The following GSDME variants were observed in gnomAD, a reference collection of about 807,000 sequenced individuals.
GSDME encodes gasdermin-E.
In GSDME, 44 loss-of-function variants were observed where a neutral mutation model predicts 47.5. That is an observed-to-expected ratio of 0.93 (90% confidence interval 0.73 to 1.19). The LOEUF (loss-of-function observed/expected upper bound fraction) is 1.19, where lower values mean the gene tolerates loss of function less well. GSDME is among the 50% of genes most tolerant of loss of function. The pLI is 0.00. For missense variants in GSDME, 663 were observed against 604.2 expected, an observed-to-expected ratio of 1.10 and a Z score of -1.02; for synonymous variants, 258 against 252.8, an observed-to-expected ratio of 1.02 and a Z score of -0.20.
rs566110324 is a variant in GSDME at position 24,714,567 on chromosome 7, G to A, written c.697+2687C>T. ...GGCCAGGATCCAGAACGAGCCAAGGGAAGGCCGAGATATCCCCAGGGTACC... is the reference window on the plus strand; with the variant it reads ...GGCCAGGATCCAGAACGAGCCAAGGAAAGGCCGAGATATCCCCAGGGTACC... On this transcript the variant is annotated intron_variant, in intron 5 of 9. Coordinates refer to ENST00000645220, the MANE Select transcript of GSDME (RefSeq NM_001127453.2). This position sits in a 1 kb window ranked among gnomAD's most constrained non-coding sequence, Gnocchi z 5.0. 1.2e-4 allele frequency among the ~76,000 whole-genome samples: 18 copies of A among 152,286 alleles called. No individual in the cohort carries two copies. The highest frequency in any genetic ancestry group is 2.1e-4 in the Non-Finnish European group (14 of 68,010).
At chr7:24,723,796 A>G (rs1236442979) in intron 3 of GSDME, among the ~76,000 whole-genome samples, 4 of 152,132 alleles carry the variant, frequency 2.6e-5, no homozygotes, top group African/African-American at 9.7e-5. Context: ...TTGTATTGCT[A>G]TGTTCATTTC....
intron 5 of GSDME, 125 bp from the exon 6 acceptor site, chr7:24,710,513 A>C: frequency 1.1e-6 from 1 of 887,066 alleles, no homozygotes; most frequent in Non-Finnish European, 1.8e-6. Context: ...CAGAAGACCC[A>C]TCCATCTTCC....
chr7:24,795,190 C>T, the GSDME span, among the ~76,000 whole-genome samples: 2 of 152,144 alleles, frequency 1.3e-5, no homozygotes, highest in African/African-American at 4.8e-5. Flanking sequence ...TCTGGCGAGG[C>T]GTTCCACCAG....
chr7:24,761,969 A>G (rs749066899), upstream of GSDME, among the ~76,000 whole-genome samples: 1 of 152,220 alleles, frequency 6.6e-6, no homozygotes, highest in Non-Finnish European at 1.5e-5. This position sits in a 1 kb window ranked among gnomAD's most constrained non-coding sequence, Gnocchi z 4.4. Flanking sequence ...AAGTGGCATT[A>G]CAGGATAGGC....
intron 6 of GSDME, among the ~76,000 whole-genome samples, chr7:24,709,029 G>A (rs535209351): frequency 6.0e-4 from 91 of 152,308 alleles, no homozygotes; most frequent in Middle Eastern, 3.4e-3. Flanking sequence ...ATACATCAAT[G>A]TACCACCCAT....
chr7:24,708,077 T>A, intron 7 of GSDME, 50 bp downstream of exon 7: 1 of 1,610,944 alleles, frequency 6.2e-7, no homozygotes, highest in Non-Finnish European at 8.5e-7. Context: ...TCCTCCCCTG[T>A]TCCAGAAAAC....
the GSDME span, among the ~76,000 whole-genome samples, chr7:24,767,829 G>T: frequency 9.9e-5 from 15 of 152,140 alleles, no homozygotes; most frequent in Non-Finnish European, 1.5e-4. This position sits in a 1 kb window ranked among gnomAD's most constrained non-coding sequence, Gnocchi z 5.3. Flanking sequence ...TCCATTATTA[G>T]AAAGTGCAGA....
At position 24,749,756 on chromosome 7, in the gene GSDME, T is replaced by C; in HGVS notation, c.19A>G (p.Arg7Gly). MFAKATRNFLREVDADG... is the reference protein window; with the variant it reads MFAKATGNFLREVDADG... ...GCATCAACTTCTCTAAGAAAATTCC[T>C]GGTTGCTTTGGCAAACATTTTGAAA... Residue 7 changes from arginine (R) to glycine (G), a missense_variant, in exon 2 of 10, where the codon AGG becomes GGG. Arg to Gly is a moderately radical substitution (Grantham distance 125). Coordinates refer to ENST00000645220, the MANE Select transcript of GSDME (RefSeq NM_001127453.2). 1 of 1,614,080 alleles carries C rather than the reference T, an allele frequency of 6.2e-7. No homozygotes were observed. Among genetic ancestry groups the C allele is most frequent in the Non-Finnish European group, 8.5e-7 (1 of 1,179,960 alleles).
intron 7 of GSDME, chr7:24,707,692 A>G (rs1030577548): frequency 5.3e-6 from 2 of 380,844 alleles, no homozygotes; most frequent in East Asian, 5.4e-5. Flanking sequence ...AGACACACAC[A>G]CACACACAGA....
At chr7:24,706,657 C>T (rs987424034) in intron 7 of GSDME, among the ~76,000 whole-genome samples, 4 of 152,202 alleles carry the variant, frequency 2.6e-5, no homozygotes, top group Admixed American at 1.3e-4. Context: ...TGCCAGGGAC[C>T]AGAAACAAGT....
Position 24,735,029 on chromosome 7 carries a change from A to C in GSDME, c.404+9533T>G, listed in dbSNP as rs370244050. Among the ~76,000 whole-genome samples, 15 of 152,328 alleles carry C rather than the reference A, an allele frequency of 9.8e-5. 1 individual carries two copies. Among genetic ancestry groups the C allele is most frequent in the Admixed American group, 7.2e-4 (11 of 15,302 alleles). ...AGCAAATTCCCAAAAATCAAGGATA[A>C]AGAAAGGATCCTAAAAGCAGCAAGA... On this transcript the variant is annotated intron_variant, in intron 3 of 9. Transcript: ENST00000645220. The surrounding 1 kb of genome is among the most constrained non-coding windows in gnomAD (Gnocchi z 4.4).
chr7:24,794,323 C>T, the GSDME span, among the ~76,000 whole-genome samples: 3 of 139,100 alleles, frequency 2.2e-5, no homozygotes, highest in Admixed American at 7.1e-5. Flanking sequence ...CCTTTTCTCT[C>T]TGCTGGTCTT....
At chr7:24,700,685 A>G (rs1043930274) in intron 9 of GSDME, among the ~76,000 whole-genome samples, 6 of 152,216 alleles carry the variant, frequency 3.9e-5, no homozygotes, top group South Asian at 2.1e-4. Context: ...AACTCACACA[A>G]TGTAACCACA....
At chr7:24,701,914 G>A (rs961497516) in intron 9 of GSDME, among the ~76,000 whole-genome samples, 1 of 152,226 alleles carries the variant, frequency 6.6e-6, no homozygotes, top group Non-Finnish European at 1.5e-5. Context: ...TGTTCCCAGA[G>A]TAGATGTATA....
intron 9 of GSDME, 81 bp downstream of exon 9, chr7:24,702,679 T>G (rs1447814448): frequency 5.7e-6 from 7 of 1,218,430 alleles, no homozygotes; most frequent in Non-Finnish European, 7.3e-6. Context: ...CTAGAGGTGT[T>G]TTACCGGCTG....
At chr7:24,747,158 T>C (rs1288037963) in intron 2 of GSDME, among the ~76,000 whole-genome samples, 1 of 152,242 alleles carries the variant, frequency 6.6e-6, no homozygotes, top group Non-Finnish European at 1.5e-5. Context: ...TCCTGGTCTA[T>C]TTTGTCATTT....
chr7:24,772,452 A>G, the GSDME span, among the ~76,000 whole-genome samples: 1 of 152,242 alleles, frequency 6.6e-6, no homozygotes, highest in East Asian at 1.9e-4. The surrounding 1 kb of genome is among the most constrained non-coding windows in gnomAD (Gnocchi z 4.5). Flanking sequence ...CATAAAGGGT[A>G]GAGTCATGCC....
Position 24,744,898 on chromosome 7 carries a change from G to A in GSDME, c.212-144C>T. The A allele has an allele frequency of 1.2e-6, 1 of 861,744 alleles. No individual in the cohort carries two copies. Among genetic ancestry groups the A allele is most frequent in the East Asian group, 2.6e-5 (1 of 37,756 alleles). The allele number at this position is 861,744 out of a possible 1,614,324, so 53.4% of individuals were successfully genotyped here. A position where few individuals can be genotyped will look rare whatever the true frequency, so the allele number is the denominator to read the frequency against. ...TGGAAAGCCGGCAGCCATGCTGTGT[G>A]TGTGGGCAAGAAAACAGGGCAGCAC... is the stretch of plus-strand genomic sequence containing the variant. On this transcript the variant is annotated intron_variant, in intron 2 of 9. Transcript: ENST00000645220. The surrounding 1 kb of genome is among the most constrained non-coding windows in gnomAD (Gnocchi z 4.5).
intron 1 of GSDME, among the ~76,000 whole-genome samples, chr7:24,755,308 C>G (rs958767406): frequency 1.3e-5 from 2 of 152,210 alleles, no homozygotes; most frequent in Non-Finnish European, 2.9e-5. Context: ...ATACCACCCC[C>G]CTTCCAATCA....
Sources: gnomAD v4.1 joint callset for allele counts (sites outside exome capture counted in the v4.1 genomes callset) on GRCh38, gnomAD v4.1.1 for gene constraint, Gnocchi (gnomAD v3.1) non-coding constraint, MANE v1.5 for transcripts, NCBI Gene and HGNC (gene_info 2026-07-23, HGNC 2026-07-21) for gene names.